HSPA12B: variants seen among roughly 807,000 people sequenced by gnomAD.
The protein encoded by HSPA12B is heat shock 70 kDa protein 12B.
Under a neutral mutation model 69.3 loss-of-function variants are expected in HSPA12B, and 54 were observed. The ratio of observed to expected loss-of-function variants is 0.78; its 90% CI spans 0.63 to 0.98. HSPA12B has a LOEUF of 0.98. Among genes scored for constraint, HSPA12B ranks in the 50% least tolerant of loss-of-function variants. The pLI, the probability that HSPA12B is intolerant of heterozygous loss-of-function variation, is 0.00. For missense variants in HSPA12B, 929 were observed against 999.8 expected (o/e 0.93, Z 0.96); for synonymous variants, 441 against 436.5 (o/e 1.01, Z -0.13).
Position 3,751,677 on chromosome 20 carries a change from G to A in HSPA12B, c.1572G>A (p.Ala524=). The change falls in exon 13 of 13, where the codon GCG becomes GCA. Residue 524 remains alanine (A), a synonymous_variant. Transcript: ENST00000254963. ...TGGGCCTCACCATCCTCAAAGGCGC[G>A]GTGCTGTTCGGCCAGGCGCCGGGCG... is the stretch of plus-strand genomic sequence containing the variant. ...HDVGLTILKG[A]VLFGQAPGVV... 1 of 1,499,632 alleles carries A rather than the reference G, an allele frequency of 6.7e-7. No individual in the cohort carries two copies. The highest frequency in any genetic ancestry group is 1.2e-5 in the South Asian group (1 of 80,232). The allele number at this position is 1,499,632 out of a possible 1,614,324, so 92.9% of individuals were successfully genotyped here.
rs778471854 is a variant in HSPA12B at position 3,749,921 on chromosome 20, G to A, written c.1043-48G>A. ...GCTCCGGCCCCGCCACTGCCCCCTG[G>A]CGGCCCGGCGAGCGCTGACGCCCTC... On this transcript the variant is annotated intron_variant, in intron 10 of 12. Transcript: ENST00000254963. This position sits in a 1 kb window ranked among gnomAD's most constrained non-coding sequence, Gnocchi z 5.5. The A allele has an allele frequency of 1.3e-6, 2 of 1,548,386 alleles. No homozygotes were observed. The highest frequency in any genetic ancestry group is 4.7e-5 in the East Asian group (2 of 42,224).
Position 3,745,228 on chromosome 20 carries a change from G to A in HSPA12B, c.453+140G>A. On this transcript the variant is annotated intron_variant, in intron 5 of 12. Coordinates refer to ENST00000254963, the MANE Select transcript of HSPA12B (RefSeq NM_052970.5). The surrounding 1 kb of genome is among the most constrained non-coding windows in gnomAD (Gnocchi z 5.6). ...CTGAGAGGGGGCGGGGCTAAAGGGA[G>A]ACGTCGGACTCCGGTGTGGGCGGAG... The A allele has an allele frequency of 2.5e-6, 2 of 794,108 alleles. No homozygotes were observed. Among genetic ancestry groups the A allele is most frequent in the Middle Eastern group, 3.6e-4 (1 of 2,768 alleles). The allele number at this position is 794,108 out of a possible 1,614,324, so 49.2% of individuals were successfully genotyped here. A position where few individuals can be genotyped will look rare whatever the true frequency, so the allele number is the denominator to read the frequency against.
chr20:3,747,736 C>T (rs1476131486), intron 7 of HSPA12B, among the ~76,000 whole-genome samples: 1 of 152,220 alleles, frequency 6.6e-6, no homozygotes, highest in African/African-American at 2.4e-5. Context: ...CCTATGGCTA[C>T]CGTCTGACAC....
chr20:3,734,737 ATT>A (rs35209985), intron 1 of HSPA12B, among the ~76,000 whole-genome samples: 8 of 120,290 alleles, frequency 6.7e-5, no homozygotes, highest in Admixed American at 9.1e-5. Context: ...CTTTAACACA[ATT>A]TTTTTTTTTT....
intron 12 of HSPA12B, 112 bp downstream of exon 12, chr20:3,751,019 A>G (rs2088410720): frequency 2.1e-6 from 2 of 948,862 alleles, no homozygotes; most frequent in Admixed American, 3.9e-5. Context: ...CTGTGATGAG[A>G]CCTAGAATCA....
Position 3,752,234 on chromosome 20 carries a change from A to C in HSPA12B, c.*68A>C, listed in dbSNP as rs6084453. On this transcript the variant is annotated 3_prime_UTR_variant, in exon 13 of 13. Coordinates refer to ENST00000254963, the MANE Select transcript of HSPA12B (RefSeq NM_052970.5). Reference sequence around the variant, plus strand: ...CCTCTTTCGGTTCAGGGGCCTGCGGAGCGGGTTGGGGCGGGGGAAACGATA... The same window carrying C: ...CCTCTTTCGGTTCAGGGGCCTGCGGCGCGGGTTGGGGCGGGGGAAACGATA... 26,747 of 1,371,700 alleles carry C rather than the reference A, an allele frequency of 0.019. 340 individuals carry two copies. Among genetic ancestry groups the C allele is most frequent in the Middle Eastern group, 0.037 (168 of 4,540 alleles). 85.0% of individuals were successfully genotyped at this position (1,371,700 alleles called of 1,614,324 possible). A position where few individuals can be genotyped will look rare whatever the true frequency, so the allele number is the denominator to read the frequency against.
At position 3,749,792 on chromosome 20, in the gene HSPA12B, A is replaced by T; in HGVS notation, c.980A>T (p.Asp327Val). ...GCCGACTGCGGCGGAGGCACCGTGGACCTGACGGTGCACCAGCTGGAGCAG... is the reference window on the plus strand; with the variant it reads ...GCCGACTGCGGCGGAGGCACCGTGGTCCTGACGGTGCACCAGCTGGAGCAG... Reference protein sequence around the residue: ...VVADCGGGTVDLTVHQLEQPH... With the variant: ...VVADCGGGTVVLTVHQLEQPH... Residue 327 changes from aspartate (D) to valine (V), a missense_variant, in exon 10 of 13, where the codon GAC (aspartate) becomes GTC (valine). By Grantham distance (152) the Asp-to-Val change is radical (BLOSUM62 -3). This residue lies in a region of HSPA12B where 477 missense variants were observed against 535.2 expected (regional missense o/e 0.89). Transcript: ENST00000254963. The surrounding 1 kb of genome is among the most constrained non-coding windows in gnomAD (Gnocchi z 5.5). 1 of 1,607,390 alleles carries T rather than the reference A, an allele frequency of 6.2e-7. No individual in the cohort carries two copies. Among genetic ancestry groups the T allele is most frequent in the Non-Finnish European group, 8.5e-7 (1 of 1,178,350 alleles).
At chr20:3,732,942 C>T (rs1193230566) in intron 1 of HSPA12B, 148 bp downstream of exon 1, 1 of 152,492 alleles carries the variant, frequency 6.6e-6, no homozygotes, top group Non-Finnish European at 1.5e-5. Context: ...TGCAGCGTGG[C>T]TGCGGGCTCG....
intron 1 of HSPA12B, among the ~76,000 whole-genome samples, chr20:3,733,020 C>T (rs906709033): frequency 2.6e-4 from 39 of 152,216 alleles, no homozygotes; most frequent in Non-Finnish European, 4.9e-4. Flanking sequence ...CCCTGTCCCT[C>T]GCACAGCTGC....
Position 3,750,994 on chromosome 20 carries a change from C to A in HSPA12B, c.1405+87C>A, listed in dbSNP as rs116237896. 3,138 of 1,107,156 alleles carry A rather than the reference C, an allele frequency of 2.8e-3. 59 individuals carry two copies. The African/African-American group carries it at 0.043, about 15-fold the overall frequency. 68.6% of individuals were successfully genotyped at this position (1,107,156 alleles called of 1,614,324 possible). A position where few individuals can be genotyped will look rare whatever the true frequency, so the allele number is the denominator to read the frequency against. The stretch of plus-strand genomic sequence containing the variant: ...CCCCCCCATCAGTGCCTAGATACCT[C>A]CACACATCCATACACTGTGATGAGA... On this transcript the variant is annotated intron_variant, in intron 12 of 12. Coordinates refer to ENST00000254963, the MANE Select transcript of HSPA12B (RefSeq NM_052970.5).
In HSPA12B at chr20:3,751,461, C is replaced by T. The variant is rs772432261; in HGVS notation, c.1406-50C>T. On this transcript the variant is annotated intron_variant, in intron 12 of 12. Transcript: ENST00000254963. Reference sequence around the variant, plus strand: ...GGCCTCAGTGGCTCTCTCTCCCCCGCCCCTTCTCCTCTGCCCCCTTCACCC... The same window carrying T: ...GGCCTCAGTGGCTCTCTCTCCCCCGTCCCTTCTCCTCTGCCCCCTTCACCC... 19 of 1,369,562 alleles carry T rather than the reference C, an allele frequency of 1.4e-5. No homozygotes were observed. In the Admixed American group the frequency reaches 6.5e-4, roughly 47 times the overall value. 84.8% of individuals were successfully genotyped at this position (1,369,562 alleles called of 1,614,324 possible).
chr20:3,738,846 G>A (rs2088148769), intron 2 of HSPA12B, 129 bp downstream of exon 2: 1 of 857,766 alleles, frequency 1.2e-6, no homozygotes, highest in South Asian at 1.5e-5. Context: ...GAGTGAGTGT[G>A]TGTGTGTGTG....
chr20:3,751,999 C>A lies in HSPA12B; in HGVS notation c.1894C>A (p.Leu632Ile). 1 of 1,569,204 alleles carries A rather than the reference C, an allele frequency of 6.4e-7. No individual in the cohort carries two copies. The highest frequency in any genetic ancestry group is 8.6e-7 in the Non-Finnish European group (1 of 1,163,420). Residue 632 changes from leucine to isoleucine, a missense_variant, in exon 13 of 13, where the codon CTC becomes ATC. Physicochemically the swap from Leu to Ile is conservative, Grantham distance 5. Coordinates refer to ENST00000254963, the MANE Select transcript of HSPA12B (RefSeq NM_052970.5). ...PGVRKCGALS[L>I]ELEPADCGQD... ...CGTGCGCAAATGCGGCGCGCTCAGC[C>A]TCGAGCTTGAGCCCGCCGACTGCGG...
Position 3,750,242 on chromosome 20 carries a change from C to T in HSPA12B, c.1301+15C>T. 4.5e-6 allele frequency: 7 copies of T among 1,572,424 alleles called. No individual in the cohort carries two copies. Among genetic ancestry groups the T allele is most frequent in the Non-Finnish European group, 5.2e-6 (6 of 1,154,390 alleles). ...CGCAGGAGCAGGTGGGTCCTGAGCCCGCGGGCTCAGGCAGGGTTTGCCGAC... is the reference window on the plus strand; with the variant it reads ...CGCAGGAGCAGGTGGGTCCTGAGCCTGCGGGCTCAGGCAGGGTTTGCCGAC... On this transcript the variant is annotated intron_variant, in intron 11 of 12. Coordinates refer to ENST00000254963, the MANE Select transcript of HSPA12B (RefSeq NM_052970.5).
Position 3,749,346 on chromosome 20 carries a change from T to C in HSPA12B, c.937+28T>C, listed in dbSNP as rs1568478836. Reference sequence around the variant, plus strand: ...AGGGGGAAAGGGGGACGGAGTGTTATCCTTGGCCCCTACCGGGCACCATAT... The same window carrying C: ...AGGGGGAAAGGGGGACGGAGTGTTACCCTTGGCCCCTACCGGGCACCATAT... On this transcript the variant is annotated intron_variant, in intron 9 of 12. Transcript: ENST00000254963. The surrounding 1 kb of genome is among the most constrained non-coding windows in gnomAD (Gnocchi z 5.5). 1.3e-6 allele frequency: 2 copies of C among 1,593,766 alleles called. No individual in the cohort carries two copies. Among genetic ancestry groups the C allele is most frequent in the African/African-American group, 1.3e-5 (1 of 74,646 alleles).
intron 7 of HSPA12B, among the ~76,000 whole-genome samples, chr20:3,747,277 A>C (rs1394462897): frequency 1.3e-5 from 2 of 152,114 alleles, no homozygotes; most frequent in East Asian, 3.9e-4. Context: ...TCCCATACCT[A>C]TGGGCCAGGC....
intron 2 of HSPA12B, among the ~76,000 whole-genome samples, chr20:3,738,942 T>C (rs1464878091): frequency 6.6e-6 from 1 of 151,692 alleles, no homozygotes; most frequent in East Asian, 1.9e-4. Context: ...TGTATGTGAG[T>C]ATGTGTGCAC....
rs2088123876 is a variant in HSPA12B, at chr20:3,737,276, A to C, written c.-17-1382A>C. Among the ~76,000 whole-genome samples the C allele has an allele frequency of 6.6e-6, 1 of 152,134 alleles. No individual in the cohort carries two copies. Among genetic ancestry groups the C allele is most frequent in the South Asian group, 2.1e-4 (1 of 4,830 alleles). Reference sequence around the variant, plus strand: ...ATAGCCTGGCCCCAGAACTTCATAGACAGGATCGAGCCCCTCCCATCTTAG... The same window carrying C: ...ATAGCCTGGCCCCAGAACTTCATAGCCAGGATCGAGCCCCTCCCATCTTAG... On this transcript the variant is annotated intron_variant, in intron 1 of 12. Transcript: ENST00000254963. This position sits in a 1 kb window ranked among gnomAD's most constrained non-coding sequence, Gnocchi z 4.1.
In HSPA12B at chr20:3,738,762, C is replaced by T. The variant is rs372140132; in HGVS notation, c.43+45C>T. ...TGCCCTGACCCATCACCCACTCACC[C>T]GAGCAGGCACTGAGACCCACCTACA... is the stretch of plus-strand genomic sequence containing the variant. On this transcript the variant is annotated intron_variant, in intron 2 of 12. Transcript: ENST00000254963. 7.8e-5 allele frequency: 125 copies of T among 1,607,676 alleles called. 1 individual carries two copies. The African/African-American group carries it at 1.2e-3, about 15-fold the overall frequency.
Sources: gnomAD v4.1 joint callset for allele counts (sites outside exome capture counted in the v4.1 genomes callset) on GRCh38, gnomAD v4.1.1 for gene constraint, gnomAD v4.1.1 regional missense constraint, Gnocchi (gnomAD v3.1) non-coding constraint, MANE v1.5 for transcripts, NCBI Gene and HGNC (gene_info 2026-07-23, HGNC 2026-07-21) for gene names.